Variants in PRKN observed in about 807,000 individuals in gnomAD.
PRKN encodes the protein parkin RBR E3 ubiquitin protein ligase.
In PRKN, 56 loss-of-function variants were observed where a neutral mutation model predicts 59.5. The observed-to-expected ratio is 0.94, with a 90% CI of 0.76 to 1.18. The LOEUF (loss-of-function observed/expected upper bound fraction) is 1.18. Ranked by LOEUF, PRKN falls within the 50% of genes most tolerant of loss-of-function variation. The pLI is 0.00. For synonymous variants in PRKN, 250 were observed against 222.1 expected (o/e 1.13, Z -1.12); for missense variants, 657 against 596.4 (o/e 1.10, Z -1.06).
intron 4 of PRKN, among the ~76,000 whole-genome samples, chr6:162,118,851 A>T (rs1051686505): frequency 6.6e-6 from 1 of 152,188 alleles, no homozygotes; most frequent in African/African-American, 2.4e-5. Context: ...GAAGATGATG[A>T]TGTCTTCCTT....
intron 1 of PRKN, among the ~76,000 whole-genome samples, chr6:162,613,303 T>C (rs1452585684): frequency 1.3e-5 from 2 of 152,184 alleles, no homozygotes; most frequent in Non-Finnish European, 2.9e-5. Flanking sequence ...GTAAACCTGT[T>C]TTTTAGGGAA....
chr6:162,428,834 T>C (rs1405479904), intron 2 of PRKN, among the ~76,000 whole-genome samples: 1 of 152,134 alleles, frequency 6.6e-6, no homozygotes, highest in East Asian at 1.9e-4. Context: ...TTACCTCCCT[T>C]ATGGCCTTGG....
intron 6 of PRKN, among the ~76,000 whole-genome samples, chr6:161,834,977 C>T (rs921506546): frequency 1.3e-5 from 2 of 152,148 alleles, no homozygotes; most frequent in South Asian, 2.1e-4. Context: ...GGAGCACCCC[C>T]GTCAGCAGGC....
intron 1 of PRKN, among the ~76,000 whole-genome samples, chr6:162,660,488 A>G (rs1778836061): frequency 6.6e-6 from 1 of 152,184 alleles, no homozygotes. Context: ...TCAAAATAAA[A>G]AACACACACT....
chr6:162,570,687 A>T (rs1481957563), intron 1 of PRKN, among the ~76,000 whole-genome samples: 1 of 152,196 alleles, frequency 6.6e-6, no homozygotes, highest in African/African-American at 2.4e-5. Flanking sequence ...ATAGAATTGG[A>T]AACTATTAAA....
At chr6:162,513,515 G>A (rs940734273) in intron 1 of PRKN, among the ~76,000 whole-genome samples, 2 of 149,584 alleles carry the variant, frequency 1.3e-5, no homozygotes, top group African/African-American at 4.9e-5. Flanking sequence ...AGAGAAAGAA[G>A]GAAAGAGAGA....
chr6:162,406,702 C>A (rs1375198506), intron 2 of PRKN, among the ~76,000 whole-genome samples: 1 of 152,148 alleles, frequency 6.6e-6, no homozygotes, highest in Non-Finnish European at 1.5e-5. Flanking sequence ...GATAGGAGCG[C>A]ACTATCCACC....
chr6:162,058,161 A>C (rs1401553194), intron 4 of PRKN, among the ~76,000 whole-genome samples: 2 of 152,232 alleles, frequency 1.3e-5, no homozygotes, highest in African/African-American at 4.8e-5. Flanking sequence ...TTGCAATTTT[A>C]CATAAATCAT....
At chr6:162,175,769 G>A (rs1257626449) in intron 4 of PRKN, among the ~76,000 whole-genome samples, 2 of 152,158 alleles carry the variant, frequency 1.3e-5, no homozygotes, top group African/African-American at 2.4e-5. Context: ...CCCTGCTTCT[G>A]TTTATCCTAA....
intron 2 of PRKN, among the ~76,000 whole-genome samples, chr6:162,293,552 C>G (rs1415030962): frequency 6.6e-6 from 1 of 152,156 alleles, no homozygotes. Flanking sequence ...GAGAGGGCAG[C>G]TGTCCCATTG....
rs991580419 is a variant in PRKN at position 161,446,445 on chromosome 6, C to T, written c.1084-59568G>A. On this transcript the variant is annotated intron_variant, in intron 9 of 11. Transcript: ENST00000366898. The surrounding 1 kb of genome is among the most constrained non-coding windows in gnomAD (Gnocchi z 6.2). ...GCTGTGGGAGGGGAAAGGCCCTCCCCGCTACCAGATGCAGACTCTGGTGCC... is the reference window on the plus strand; with the variant it reads ...GCTGTGGGAGGGGAAAGGCCCTCCCTGCTACCAGATGCAGACTCTGGTGCC... Among the ~76,000 whole-genome samples, 7 of 152,044 alleles carry T rather than the reference C, an allele frequency of 4.6e-5. No homozygotes were observed. The highest frequency in any genetic ancestry group is 1.9e-4 in the East Asian group (1 of 5,170).
chr6:161,492,551 T>G (rs1777598795), intron 9 of PRKN, among the ~76,000 whole-genome samples: 1 of 152,216 alleles, frequency 6.6e-6, no homozygotes, highest in African/African-American at 2.4e-5. Context: ...CATAAGATAG[T>G]TGAAATTTTG....
chr6:162,649,658 C>CAA (rs78288611), intron 1 of PRKN, among the ~76,000 whole-genome samples: 1 of 142,232 alleles, frequency 7.0e-6, no homozygotes, highest in East Asian at 2.0e-4. Context: ...TACTCTGTCT[C>CAA]AAAAAAAAAA....
intron 4 of PRKN, among the ~76,000 whole-genome samples, chr6:162,144,460 C>T (rs1781921434): frequency 1.3e-5 from 2 of 152,178 alleles, no homozygotes; most frequent in African/African-American, 4.8e-5. Flanking sequence ...TTCACCATAA[C>T]TTACAGATGA....
intron 2 of PRKN, among the ~76,000 whole-genome samples, chr6:162,358,165 G>C (rs1357810467): frequency 3.9e-5 from 6 of 152,158 alleles, no homozygotes; most frequent in Non-Finnish European, 7.3e-5. Flanking sequence ...TGTGTGTGTT[G>C]GGGGAGAAAT....
intron 9 of PRKN, among the ~76,000 whole-genome samples, chr6:161,450,802 A>G (rs1164798865): frequency 4.6e-5 from 7 of 152,160 alleles, no homozygotes; most frequent in Admixed American, 1.3e-4. Context: ...TGATCTGCCC[A>G]CCCTGGCCTC....
intron 7 of PRKN, among the ~76,000 whole-genome samples, chr6:161,669,896 C>T (rs757627530): frequency 2.0e-5 from 3 of 152,212 alleles, no homozygotes; most frequent in South Asian, 2.1e-4. Context: ...CACGTGAGCC[C>T]AGCCTGCAGC....
At chr6:162,046,307 A>G (rs1217568712) in intron 5 of PRKN, among the ~76,000 whole-genome samples, 2 of 152,218 alleles carry the variant, frequency 1.3e-5, no homozygotes, top group East Asian at 3.9e-4. Flanking sequence ...TCATATTTGA[A>G]TATGTTGTAG....
chr6:161,932,137 T>C (rs1211544435), intron 6 of PRKN, among the ~76,000 whole-genome samples: 3 of 151,930 alleles, frequency 2.0e-5, no homozygotes, highest in Non-Finnish European at 4.4e-5. Context: ...TTCAGAAATA[T>C]TTAAAAAAAT....
Sources: allele counts gnomAD v4.1 joint callset (sites outside exome capture counted in the v4.1 genomes callset), GRCh38; gene constraint gnomAD v4.1.1; non-coding constraint Gnocchi (gnomAD v3.1); transcripts MANE v1.5; gene names NCBI Gene and HGNC (gene_info 2026-07-23, HGNC 2026-07-21).